Variants in EFTUD2 observed in about 807,000 individuals in gnomAD.
EFTUD2 encodes elongation factor Tu GTP binding domain containing 2.
Under a neutral mutation model 114.3 loss-of-function variants are expected in EFTUD2, and 9 were observed. The observed-to-expected ratio is 0.08, with a 90% CI of 0.05 to 0.14. The LOEUF (loss-of-function observed/expected upper bound fraction) is 0.14. Among genes scored for constraint, EFTUD2 ranks in the 10% least tolerant of loss-of-function variants. The pLI is 1.00. For missense variants in EFTUD2, 765 were observed against 1,241.2 expected (o/e 0.62, Z 5.76); for synonymous variants, 449 against 462.3 (o/e 0.97, Z 0.37).
At chr17:44,878,980 T>C (rs906172518) in intron 9 of EFTUD2, among the ~76,000 whole-genome samples, 2 of 152,190 alleles carry the variant, frequency 1.3e-5, no homozygotes, top group African/African-American at 4.8e-5. Context: ...ACTCCTCCCT[T>C]CCTTTTATTT....
chr17:44,863,524 G>A, intron 15 of EFTUD2, 131 bp downstream of exon 15: 7 of 1,335,802 alleles, frequency 5.2e-6, no homozygotes, highest in Non-Finnish European at 7.2e-6. Context: ...TTGCATTCAG[G>A]CCTGACTGTG....
intron 6 of EFTUD2, among the ~76,000 whole-genome samples, chr17:44,882,203 G>T (rs2051084229): frequency 6.6e-6 from 1 of 152,072 alleles, no homozygotes; most frequent in Admixed American, 6.6e-5. Context: ...CAAAGTGCTG[G>T]GATTACAGGC....
intron 13 of EFTUD2, among the ~76,000 whole-genome samples, chr17:44,867,114 G>T (rs1597801829): frequency 6.6e-6 from 1 of 152,176 alleles, no homozygotes; most frequent in South Asian, 2.1e-4. Flanking sequence ...CTCTAAAAAT[G>T]CTATAATAAA....
intron 18 of EFTUD2, chr17:44,859,680 C>T (rs2050620659): frequency 3.1e-6 from 2 of 645,398 alleles, no homozygotes; most frequent in African/African-American, 3.7e-5. Flanking sequence ...CTATACCCCC[C>T]ATCACTGCCC....
intron 2 of EFTUD2, 33 bp from the exon 3 acceptor site, chr17:44,886,783 G>C: frequency 1.3e-6 from 2 of 1,592,802 alleles, no homozygotes; most frequent in South Asian, 2.2e-5. Flanking sequence ...GAATCGAAGA[G>C]GCACACGCTT....
intron 11 of EFTUD2, 27 bp downstream of exon 11, chr17:44,872,419 T>A (rs1597807289): frequency 6.2e-7 from 1 of 1,609,260 alleles, no homozygotes; most frequent in East Asian, 2.2e-5. Context: ...GGGAAGCTGG[T>A]GAGACAGACT....
chr17:44,880,585 T>C lies in EFTUD2; in HGVS notation c.588A>G (p.Lys196=), dbSNP rs753683480. 1 of 1,613,728 alleles carries C rather than the reference T, an allele frequency of 6.2e-7. No homozygotes were observed. Residue 196 remains lysine, a synonymous_variant, in exon 8 of 28, where the codon AAA becomes AAG. Transcript: ENST00000426333. ...TGTCCATGATATTGAAGAGATAAGATTTTCCTTTGGTGTCTGGCAAGACCA... is the reference window on the plus strand; with the variant it reads ...TGTCCATGATATTGAAGAGATAAGACTTTCCTTTGGTGTCTGGCAAGACCA... The part of the protein sequence containing the change: ...VTVVLPDTKG[K]SYLFNIMDTP...
chr17:44,873,915 T>C (rs1170084396), intron 10 of EFTUD2, among the ~76,000 whole-genome samples: 1 of 151,088 alleles, frequency 6.6e-6, no homozygotes, highest in African/African-American at 2.4e-5. Context: ...TTGTATTTTT[T>C]AGTAGAGATG....
At chr17:44,890,999 C>CTTGG (rs145015902) in intron 2 of EFTUD2, among the ~76,000 whole-genome samples, 14,414 of 152,100 alleles carry the variant, frequency 0.095, 741 homozygotes, top group Middle Eastern at 0.26. Context: ...GACAGGTAAC[C>CTTGG]TTGGTGTCTA....
At chr17:44,852,305 G>C (rs2050470220) in intron 26 of EFTUD2, 104 bp downstream of exon 26, 1 of 1,430,042 alleles carries the variant, frequency 7.0e-7, no homozygotes, top group Non-Finnish European at 9.5e-7. Context: ...TCTTCTCCAG[G>C]ATGCTGTACA....
rs1301928791 is a variant in EFTUD2 at position 44,856,117 on chromosome 17, T to C, written c.2045+958A>G. On this transcript the variant is annotated intron_variant, in intron 20 of 27. Transcript: ENST00000426333. The stretch of plus-strand genomic sequence containing the variant: ...CTGTACTCCAGCCTGGGTGACGAAG[T>C]GAGACCCTGTCTCAAAAAAAAAAAA... 4.5e-4 allele frequency among the ~76,000 whole-genome samples: 45 copies of C among 99,962 alleles called. 1 individual carries two copies. Among genetic ancestry groups the C allele is most frequent in the Middle Eastern group, 0.011 (1 of 92 alleles). The allele number at this position is 99,962 out of a possible 152,430, so 65.6% of individuals were successfully genotyped here.
intron 2 of EFTUD2, among the ~76,000 whole-genome samples, chr17:44,890,616 C>T (rs190072685): frequency 2.7e-5 from 4 of 149,772 alleles, no homozygotes; most frequent in African/African-American, 4.9e-5. Context: ...CGCTTGAACC[C>T]GGGAGGTGGA....
In EFTUD2 at chr17:44,855,906, C is replaced by T. The variant is rs188314735; in HGVS notation, c.2046-902G>A. On this transcript the variant is annotated intron_variant, in intron 20 of 27. Coordinates refer to ENST00000426333, the MANE Select transcript of EFTUD2 (RefSeq NM_004247.4). Reference sequence around the variant, plus strand: ...GGCAGAGGTTCCAGTGAGCTGAGATCGAGCCACTGCACTCCAGCCTGGGCT... The same window carrying T: ...GGCAGAGGTTCCAGTGAGCTGAGATTGAGCCACTGCACTCCAGCCTGGGCT... Among the ~76,000 whole-genome samples the T allele has an allele frequency of 6.3e-3, 919 of 146,488 alleles. 10 individuals carry two copies. Among genetic ancestry groups the T allele is most frequent in the African/African-American group, 0.022 (877 of 39,522 alleles).
rs1219000676 is a variant in EFTUD2 at position 44,865,023 on chromosome 17, C to T, written c.1192G>A (p.Glu398Lys). 9.3e-6 allele frequency: 15 copies of T among 1,614,042 alleles called. No homozygotes were observed. The highest frequency in any genetic ancestry group is 1.1e-5 in the Non-Finnish European group (13 of 1,180,036). The change falls in exon 14 of 28, where the codon GAG (glutamate) becomes AAG (lysine). Residue 398 changes from glutamate to lysine, a missense_variant. By Grantham distance (56) the Glu-to-Lys change is moderately conservative. Around this residue, in one of 6 missense-constraint regions of EFTUD2, gnomAD observed 251 missense variants for 357.7 expected, o/e 0.70. Transcript: ENST00000426333. ...VDTSLPRTLD[E>K]LGIHLTKEEL... ...TCCTTCGTCAGGTGGATGCCAAGCT[C>T]GTCTAGGGTCCGTGGGAGGCTGGTG... is the stretch of plus-strand genomic sequence containing the variant.
chr17:44,894,318 T>G, intron 2 of EFTUD2, 99 bp downstream of exon 2: 6 of 982,238 alleles, frequency 6.1e-6, no homozygotes, highest in African/African-American at 1.6e-5. Flanking sequence ...TGCAGTGAGC[T>G]GAGATTGCGC....
In EFTUD2 at chr17:44,899,391, T is replaced by C. The variant is rs1266087984; in HGVS notation, c.-27A>G. The stretch of plus-strand genomic sequence containing the variant: ...TACCTCTCGCCTGCTCAGCTAAGAG[T>C]TCCCAGGCCGCTGCCGGAGATCGTG... On this transcript the variant is annotated 5_prime_UTR_variant, in exon 1 of 28. Coordinates refer to ENST00000426333, the MANE Select transcript of EFTUD2 (RefSeq NM_004247.4). The C allele has an allele frequency of 6.6e-6, 1 of 152,030 alleles. No individual in the cohort carries two copies. The highest frequency in any genetic ancestry group is 1.5e-5 in the Non-Finnish European group (1 of 68,048). 9.4% of individuals were successfully genotyped at this position (152,030 alleles called of 1,614,324 possible).
At chr17:44,892,785 G>A (rs2145576375) in intron 2 of EFTUD2, among the ~76,000 whole-genome samples, 1 of 151,788 alleles carries the variant, frequency 6.6e-6, no homozygotes, top group African/African-American at 2.4e-5. Flanking sequence ...TTACAGGCAT[G>A]TACCACCACA....
intron 2 of EFTUD2, among the ~76,000 whole-genome samples, chr17:44,892,624 G>A (rs1252655569): frequency 1.4e-5 from 2 of 140,490 alleles, no homozygotes; most frequent in African/African-American, 5.3e-5. Context: ...AAAACACACT[G>A]TAAAACCTTT....
chr17:44,893,549 G>C (rs759858264), intron 2 of EFTUD2, among the ~76,000 whole-genome samples: 14 of 152,302 alleles, frequency 9.2e-5, no homozygotes, highest in Non-Finnish European at 1.6e-4. Context: ...AGACACTTCA[G>C]GGAAATGGAA....
Sources: allele counts gnomAD v4.1 joint callset (sites outside exome capture counted in the v4.1 genomes callset), GRCh38; gene constraint gnomAD v4.1.1; regional missense constraint gnomAD v4.1.1; transcripts MANE v1.5; gene names NCBI Gene and HGNC (gene_info 2026-07-23, HGNC 2026-07-21).